ACSS3: variants seen among roughly 807,000 people sequenced by gnomAD.
ACSS3 encodes acyl-CoA synthetase short-chain family member 3, mitochondrial.
A neutral mutation model predicts 84.2 loss-of-function variants in ACSS3; 64 were observed. That is an observed-to-expected ratio of 0.76 (90% CI 0.62 to 0.94). The LOEUF is 0.94. Among genes scored for constraint, ACSS3 ranks in the 40% least tolerant of loss-of-function variants. The pLI is 0.00. For synonymous variants in ACSS3, 317 were observed against 310.1 expected (o/e 1.02, Z -0.23); for missense variants, 815 against 867.6 (o/e 0.94, Z 0.76).
chr12:81,151,789 G>C, intron 5 of ACSS3, 55 bp from the exon 6 acceptor site: 1 of 1,479,340 alleles, frequency 6.8e-7, no homozygotes, highest in East Asian at 2.3e-5. Flanking sequence ...TATGAAGATA[G>C]AGAGTGTTTT....
intron 12 of ACSS3, among the ~76,000 whole-genome samples, chr12:81,231,886 C>T (rs1030551859): frequency 2.6e-5 from 4 of 151,550 alleles, no homozygotes; most frequent in Non-Finnish European, 4.4e-5. Flanking sequence ...ACCGCCTAAC[C>T]CCAACAGGGA....
chr12:81,207,417 C>T (rs2032393687), intron 9 of ACSS3, among the ~76,000 whole-genome samples: 1 of 152,086 alleles, frequency 6.6e-6, no homozygotes, highest in Non-Finnish European at 1.5e-5. Context: ...GTAGGACTGC[C>T]TTTACATCCC....
intron 1 of ACSS3, among the ~76,000 whole-genome samples, chr12:81,102,974 G>A (rs1431243049): frequency 6.6e-6 from 1 of 152,188 alleles, no homozygotes; most frequent in Non-Finnish European, 1.5e-5. Flanking sequence ...GTGCACACAT[G>A]TGTTAGATTG....
intron 13 of ACSS3, 27 bp downstream of exon 13, chr12:81,233,498 C>A (rs2033531625): frequency 1.2e-6 from 2 of 1,608,054 alleles, no homozygotes; most frequent in Non-Finnish European, 1.7e-6. Context: ...GTATTCTATT[C>A]CAAGTAGTGC....
intron 8 of ACSS3, among the ~76,000 whole-genome samples, chr12:81,192,939 C>T (rs879266463): frequency 1.3e-5 from 2 of 151,880 alleles, no homozygotes; most frequent in Admixed American, 6.6e-5. Flanking sequence ...TTTTTTCCAG[C>T]TTGTTTGGTT....
intron 9 of ACSS3, among the ~76,000 whole-genome samples, chr12:81,208,642 A>C (rs990775519): frequency 3.3e-5 from 5 of 152,010 alleles, no homozygotes; most frequent in African/African-American, 1.2e-4. Flanking sequence ...ATTTTTCTAT[A>C]ATGCAATTCT....
At chr12:81,183,221 T>C (rs1359862642) in intron 8 of ACSS3, among the ~76,000 whole-genome samples, 1 of 152,212 alleles carries the variant, frequency 6.6e-6, no homozygotes, top group Non-Finnish European at 1.5e-5. Flanking sequence ...TGATTTTGGT[T>C]TCTTTCTACA....
chr12:81,122,912 TAAAAAATCA>T (rs1884754895), intron 2 of ACSS3, among the ~76,000 whole-genome samples: 1 of 152,158 alleles, frequency 6.6e-6, no homozygotes. Flanking sequence ...TGTTATGTTT[TAAAAAATCA>T]TTTGAAAAAT....
intron 2 of ACSS3, among the ~76,000 whole-genome samples, chr12:81,126,788 A>G (rs770651848): frequency 1.5e-4 from 23 of 152,108 alleles, no homozygotes; most frequent in Non-Finnish European, 3.2e-4. Context: ...ATAGTCTGAA[A>G]ATGACTAAAT....
intron 2 of ACSS3, among the ~76,000 whole-genome samples, chr12:81,111,534 T>C (rs1213931113): frequency 6.6e-6 from 1 of 152,192 alleles, no homozygotes; most frequent in African/African-American, 2.4e-5. Flanking sequence ...GCAACTTCCA[T>C]TTAACCTAAA....
intron 7 of ACSS3, chr12:81,174,520 G>A (rs897291140): frequency 1.0e-5 from 3 of 293,714 alleles, no homozygotes; most frequent in South Asian, 2.7e-4. Flanking sequence ...AATGTGGTAT[G>A]TATTTTTAAT....
At chr12:81,224,240 C>A (rs555603577) in intron 11 of ACSS3, among the ~76,000 whole-genome samples, 1 of 151,918 alleles carries the variant, frequency 6.6e-6, no homozygotes, top group South Asian at 2.1e-4. Flanking sequence ...TGCATCTTTC[C>A]CTTCCTTCTG....
At position 81,122,458 on chromosome 12, in the gene ACSS3, A is replaced by C. The variant is rs142321666; in HGVS notation, c.457-12358A>C. The stretch of plus-strand genomic sequence containing the variant: ...CTTTAATGAAGTGTATATAGCAGAC[A>C]ACAGTGACAATTTTAAAGTAACAAC... On this transcript the variant is annotated intron_variant, in intron 2 of 15. Transcript: ENST00000548058. 5.0e-4 allele frequency among the ~76,000 whole-genome samples: 76 copies of C among 152,298 alleles called. No homozygotes were observed. In the East Asian group the frequency reaches 0.014, roughly 28 times the overall value.
At chr12:81,210,304 G>A (rs986471913) in intron 9 of ACSS3, among the ~76,000 whole-genome samples, 5 of 152,044 alleles carry the variant, frequency 3.3e-5, no homozygotes, top group East Asian at 1.9e-4. Flanking sequence ...AGGGTCTCTC[G>A]TATTCAGGTT....
intron 3 of ACSS3, among the ~76,000 whole-genome samples, chr12:81,136,351 T>G (rs1483981514): frequency 1.3e-5 from 2 of 152,178 alleles, no homozygotes; most frequent in South Asian, 2.1e-4. Context: ...GCTTTGCTGC[T>G]GTAGCACAAA....
chr12:81,134,924 G>A lies in ACSS3; in HGVS notation c.565G>A (p.Ala189Thr). 1.2e-6 allele frequency: 2 copies of A among 1,608,090 alleles called. No homozygotes were observed. The highest frequency in any genetic ancestry group is 1.7e-6 in the Non-Finnish European group (2 of 1,176,784). The change falls in exon 3 of 16, where the codon GCA (alanine) becomes ACA (threonine). Residue 189 changes from alanine (A) to threonine (T), a missense_variant. By Grantham distance (58) the Ala-to-Thr change is moderately conservative. Coordinates refer to ENST00000548058, the MANE Select transcript of ACSS3 (RefSeq NM_024560.4). Reference sequence around the variant, plus strand: ...GGCGATGTATACCATGTTGGCATGTGCAAGGATAGGTGCCATCCACAGTCT... The same window carrying A: ...GGCGATGTATACCATGTTGGCATGTACAAGGATAGGTGCCATCCACAGTCT... Reference protein sequence around the residue: ...PQAMYTMLACARIGAIHSLIF... With the variant: ...PQAMYTMLACTRIGAIHSLIF...
intron 11 of ACSS3, among the ~76,000 whole-genome samples, chr12:81,221,455 A>C (rs1268713250): frequency 6.6e-6 from 1 of 152,128 alleles, no homozygotes; most frequent in African/African-American, 2.4e-5. Context: ...TTACATGGAA[A>C]ACAGTAGTTA....
At chr12:81,135,057 A>T in intron 3 of ACSS3, 53 bp downstream of exon 3, 1 of 1,427,598 alleles carries the variant, frequency 7.0e-7, no homozygotes, top group Non-Finnish European at 9.4e-7. Flanking sequence ...ATTTAGTCAT[A>T]TTTATCTGTG....
intron 2 of ACSS3, among the ~76,000 whole-genome samples, chr12:81,130,736 TC>T (rs1885439905): frequency 6.6e-6 from 1 of 152,226 alleles, no homozygotes; most frequent in African/African-American, 2.4e-5. Flanking sequence ...ACCTAGGTTT[TC>T]TTGTAGGGTT....
Sources: allele counts gnomAD v4.1 joint callset (sites outside exome capture counted in the v4.1 genomes callset), GRCh38; gene constraint gnomAD v4.1.1; transcripts MANE v1.5; gene names NCBI Gene and HGNC (gene_info 2026-07-23, HGNC 2026-07-21).